The following NYAP2 variants were observed in gnomAD, a reference collection of about 807,000 sequenced individuals.
NYAP2 encodes neuronal tyrosine-phosphorylated phosphoinositide-3-kinase adaptor 2.
In NYAP2, 23 loss-of-function variants were observed where a neutral mutation model predicts 50.4. That is an observed-to-expected ratio of 0.46 (90% CI 0.33 to 0.65). NYAP2 has a LOEUF of 0.65. NYAP2 is among the 30% of genes least tolerant of loss of function. The pLI is 0.02. For synonymous variants in NYAP2, 394 were observed against 365.2 expected (o/e 1.08, Z -0.90); for missense variants, 885 against 861.0 (o/e 1.03, Z -0.35).
chr2:225,535,412 T>G (rs1160138524), intron 4 of NYAP2, among the ~76,000 whole-genome samples: 1 of 152,136 alleles, frequency 6.6e-6, no homozygotes, highest in African/African-American at 2.4e-5. Context: ...AGATATCTTG[T>G]AACAGAGTGT....
chr2:225,591,473 GAA>G (rs1692503537), intron 5 of NYAP2, among the ~76,000 whole-genome samples: 1 of 152,142 alleles, frequency 6.6e-6, no homozygotes, highest in Admixed American at 6.5e-5. Flanking sequence ...TAAGGATGTG[GAA>G]GAAGGCAGCA....
At chr2:225,698,184 AC>A in the NYAP2 span, 1 of 151,972 alleles carries the variant, frequency 6.6e-6, no homozygotes, top group Non-Finnish European at 1.5e-5. Flanking sequence ...CTAAAACAAG[AC>A]AAAACTAAAA....
At chr2:225,451,966 G>T (rs1037286824) in intron 3 of NYAP2, among the ~76,000 whole-genome samples, 1 of 151,456 alleles carries the variant, frequency 6.6e-6, no homozygotes, top group African/African-American at 2.4e-5. Flanking sequence ...ACACACACAC[G>T]TATATATACA....
intron 4 of NYAP2, among the ~76,000 whole-genome samples, chr2:225,541,015 T>C (rs188862604): frequency 6.6e-6 from 1 of 152,316 alleles, no homozygotes; most frequent in East Asian, 1.9e-4. Flanking sequence ...TTATTGTAGT[T>C]TTGATTTGCA....
chr2:225,512,662 A>C (rs1326961571), intron 3 of NYAP2, among the ~76,000 whole-genome samples: 1 of 90,888 alleles, frequency 1.1e-5, no homozygotes, highest in Non-Finnish European at 2.2e-5. Context: ...CCTTCCTCCC[A>C]TCTTTCTTTG....
intron 3 of NYAP2, among the ~76,000 whole-genome samples, chr2:225,441,929 C>T (rs1414327964): frequency 6.6e-6 from 1 of 152,202 alleles, no homozygotes; most frequent in African/African-American, 2.4e-5. Context: ...GTACTTAGCT[C>T]AGTGCCTAGT....
At chr2:225,655,215 C>A (rs565011784), downstream of NYAP2, among the ~76,000 whole-genome samples, 1 of 152,244 alleles carries the variant, frequency 6.6e-6, no homozygotes, top group Non-Finnish European at 1.5e-5. Flanking sequence ...AAATGAGAAA[C>A]TCTGGAAAAA....
At chr2:225,638,799 G>A (rs1693473865) in intron 6 of NYAP2, among the ~76,000 whole-genome samples, 1 of 152,134 alleles carries the variant, frequency 6.6e-6, no homozygotes, top group African/African-American at 2.4e-5. Flanking sequence ...CATCTCTCCT[G>A]CTCTCTCCTG....
chr2:225,568,729 T>C (rs115509826), intron 4 of NYAP2, among the ~76,000 whole-genome samples: 85 of 152,180 alleles, frequency 5.6e-4, no homozygotes, highest in African/African-American at 2.0e-3. Flanking sequence ...CATAAACCAA[T>C]GGAGAGGAAA....
chr2:225,538,816 T>A (rs1574666326), intron 4 of NYAP2, among the ~76,000 whole-genome samples: 1 of 89,432 alleles, frequency 1.1e-5, no homozygotes. Context: ...CTTTCTTTCT[T>A]TCTTTCTTTC....
intron 3 of NYAP2, among the ~76,000 whole-genome samples, chr2:225,490,043 A>T (rs1251296222): frequency 6.6e-6 from 1 of 152,226 alleles, no homozygotes; most frequent in Non-Finnish European, 1.5e-5. Context: ...GCACATTCTG[A>T]TATTGTTCAT....
intron 3 of NYAP2, among the ~76,000 whole-genome samples, chr2:225,486,986 T>C (rs1478442275): frequency 6.6e-6 from 1 of 152,214 alleles, no homozygotes; most frequent in African/African-American, 2.4e-5. Context: ...AGTAGCACTT[T>C]TGAAATTATA....
chr2:225,586,977 C>T (rs918247888), intron 5 of NYAP2, among the ~76,000 whole-genome samples: 8 of 152,094 alleles, frequency 5.3e-5, no homozygotes, highest in Admixed American at 1.3e-4. Flanking sequence ...TGATGGAAGG[C>T]GGAGGGGAAG....
intron 5 of NYAP2, among the ~76,000 whole-genome samples, chr2:225,624,158 G>T (rs1693169498): frequency 1.3e-5 from 2 of 152,302 alleles, no homozygotes; most frequent in East Asian, 1.9e-4. Flanking sequence ...TGACCAGGTT[G>T]CTGGGCAGAG....
At chr2:225,598,927 C>T (rs1440353460) in intron 5 of NYAP2, among the ~76,000 whole-genome samples, 1 of 152,176 alleles carries the variant, frequency 6.6e-6, no homozygotes, top group Non-Finnish European at 1.5e-5. Flanking sequence ...CCTACTTCCA[C>T]GTGAAATCAA....
chr2:225,607,487 C>T (rs574557391), intron 5 of NYAP2, among the ~76,000 whole-genome samples: 21 of 152,190 alleles, frequency 1.4e-4, no homozygotes, highest in South Asian at 4.1e-4. Flanking sequence ...TAATTTGCTG[C>T]GTTGTGTCCT....
intron 6 of NYAP2, among the ~76,000 whole-genome samples, chr2:225,637,363 T>C (rs1357012268): frequency 2.0e-5 from 3 of 152,174 alleles, no homozygotes; most frequent in African/African-American, 7.2e-5. Context: ...TAGGCTGTTC[T>C]CTAACTTCCT....
At chr2:225,426,030 A>C (rs1319454996) in intron 3 of NYAP2, among the ~76,000 whole-genome samples, 1 of 152,216 alleles carries the variant, frequency 6.6e-6, no homozygotes, top group Non-Finnish European at 1.5e-5. Context: ...AAGATGAAAA[A>C]AATAAAGACG....
chr2:225,689,403 A>C, the NYAP2 span, among the ~76,000 whole-genome samples: 1 of 152,188 alleles, frequency 6.6e-6, no homozygotes. Context: ...TAGTATATAT[A>C]ACTTAAAATA....
Sources: allele counts gnomAD v4.1 joint callset (sites outside exome capture counted in the v4.1 genomes callset), GRCh38; gene constraint gnomAD v4.1.1; transcripts MANE v1.5; gene names NCBI Gene and HGNC (gene_info 2026-07-23, HGNC 2026-07-21).